HSF2: variants seen among roughly 807,000 people sequenced by gnomAD.
HSF2 encodes the protein heat shock factor protein 2.
In HSF2, 21 loss-of-function variants were observed where a neutral mutation model predicts 65.0. The ratio of observed to expected loss-of-function variants is 0.32; its 90% CI spans 0.23 to 0.47. The LOEUF is 0.47. Among genes scored for constraint, HSF2 ranks in the 20% least tolerant of loss-of-function variants. The probability of loss-of-function intolerance (pLI) is 1.00; values close to 1 mark genes in which losing one functional copy is unlikely to be tolerated. For missense variants in HSF2, 499 were observed against 628.1 expected, an observed-to-expected ratio of 0.79 and a Z score of 2.20; for synonymous variants, 225 against 219.1, an observed-to-expected ratio of 1.03 and a Z score of -0.24.
chr6:122,416,948 A>G (rs567982785), intron 5 of HSF2, among the ~76,000 whole-genome samples: 3 of 152,280 alleles, frequency 2.0e-5, no homozygotes, highest in Admixed American at 6.5e-5. Flanking sequence ...TAAGGCAGCT[A>G]TTTTTTGCTC....
chr6:122,402,977 A>C lies in HSF2; in HGVS notation c.93+3147A>C, dbSNP rs1238609334. 2.6e-5 allele frequency among the ~76,000 whole-genome samples: 4 copies of C among 151,244 alleles called. No individual in the cohort carries two copies. In the East Asian group the frequency reaches 7.8e-4, roughly 29 times the overall value. ...ATCATTGAGAACTTTTAGAAGAAGC[A>C]GTTGTTTTGGGAACCAGACAAGCTT... On this transcript the variant is annotated intron_variant, in intron 1 of 12. Transcript: ENST00000368455.
At chr6:122,410,927 T>C (rs1435661622) in intron 1 of HSF2, among the ~76,000 whole-genome samples, 1 of 145,262 alleles carries the variant, frequency 6.9e-6, no homozygotes, top group East Asian at 2.1e-4. Flanking sequence ...TTTTGTTTTG[T>C]TTTTTTGTTG....
chr6:122,399,673 T>TAGCTGCCGCCGCCGCTACCACCGC lies in HSF2; in HGVS notation c.-64_-41dup. 4.3e-6 allele frequency: 6 copies of TAGCTGCCGCCGCCGCTACCACCGC among 1,393,672 alleles called. No individual in the cohort carries two copies. Among genetic ancestry groups the TAGCTGCCGCCGCCGCTACCACCGC allele is most frequent in the Non-Finnish European group, 6.0e-6 (6 of 992,168 alleles). The allele number at this position is 1,393,672 out of a possible 1,614,324, so 86.3% of individuals were successfully genotyped here. ...GGGCGTTCTCGGGGAGCTGCTGCCG[T>TAGCTGCCGCCGCCGCTACCACCGC]AGCTGCCGCCGCCGCTACCACCGCG... On this transcript the variant is annotated 5_prime_UTR_variant, in exon 1 of 13. Coordinates refer to ENST00000368455, the MANE Select transcript of HSF2 (RefSeq NM_004506.4).
intron 1 of HSF2, among the ~76,000 whole-genome samples, chr6:122,406,858 GGATGAGGAAGTGCAGTGCTAGA>G (rs1562197824): frequency 1.3e-5 from 2 of 151,984 alleles, no homozygotes; most frequent in Non-Finnish European, 2.9e-5. Flanking sequence ...ATTTCAAAAG[GGATGAGGAAGTGCAGTGCTAGA>G]AAAAAAAACA....
intron 4 of HSF2, 59 bp downstream of exon 4, chr6:122,413,708 G>GTTGAGT: frequency 7.1e-7 from 1 of 1,403,116 alleles, no homozygotes; most frequent in Non-Finnish European, 9.9e-7. Flanking sequence ...GTCTATGTGT[G>GTTGAGT]TTGAGTTTGG....
chr6:122,428,780 A>G (rs1466582931), intron 11 of HSF2, among the ~76,000 whole-genome samples: 1 of 152,064 alleles, frequency 6.6e-6, no homozygotes, highest in Non-Finnish European at 1.5e-5. Context: ...GGTGGAATTT[A>G]TACGATTATT....
chr6:122,428,249 ATTTCTTCATG>A (rs1044692977), intron 11 of HSF2, among the ~76,000 whole-genome samples: 1 of 151,844 alleles, frequency 6.6e-6, no homozygotes, highest in Non-Finnish European at 1.5e-5. Context: ...CTAAAATATG[ATTTCTTCATG>A]TTTTATGGGC....
intron 4 of HSF2, among the ~76,000 whole-genome samples, chr6:122,414,990 T>C (rs1450766268): frequency 6.6e-6 from 1 of 152,230 alleles, no homozygotes; most frequent in Non-Finnish European, 1.5e-5. Context: ...AGTTATTCAG[T>C]AAATATTAAA....
chr6:122,400,629 T>C (rs1773707134), intron 1 of HSF2, among the ~76,000 whole-genome samples: 1 of 152,234 alleles, frequency 6.6e-6, no homozygotes, highest in South Asian at 2.1e-4. Context: ...CTTTATCTTG[T>C]CTGGCCTAAG....
chr6:122,399,671 C>CGTAGCTGCCGCA lies in HSF2; in HGVS notation c.-56_-55insAGTAGCTGCCGC, dbSNP rs1773666520. The CGTAGCTGCCGCA allele has an allele frequency of 1.5e-6, 2 of 1,355,356 alleles. No individual in the cohort carries two copies. Among genetic ancestry groups the CGTAGCTGCCGCA allele is most frequent in the Non-Finnish European group, 1.0e-6 (1 of 957,966 alleles). 84.0% of individuals were successfully genotyped at this position (1,355,356 alleles called of 1,614,324 possible). A position where few individuals can be genotyped will look rare whatever the true frequency, so the allele number is the denominator to read the frequency against. On this transcript the variant is annotated 5_prime_UTR_variant, in exon 1 of 13. Transcript: ENST00000368455. ...GTGGGCGTTCTCGGGGAGCTGCTGCCGTAGCTGCCGCCGCCGCTACCACCG... is the reference window on the plus strand; with the variant it reads ...GTGGGCGTTCTCGGGGAGCTGCTGCCGTAGCTGCCGCAGTAGCTGCCGCCGCCGCTACCACCG...
chr6:122,410,948 G>GT (rs34451736), intron 1 of HSF2, among the ~76,000 whole-genome samples: 64,847 of 128,754 alleles, frequency 0.5, 16,387 homozygotes, highest in South Asian at 0.6. Context: ...TTGTTTTTGG[G>GT]TTTTTTTTTT....
intron 5 of HSF2, 70 bp from the exon 6 acceptor site, chr6:122,419,098 A>G: frequency 4.1e-6 from 3 of 732,162 alleles, no homozygotes; most frequent in Non-Finnish European, 7.0e-6. Context: ...AATTTGTTTT[A>G]TAAGACTTGG....
intron 7 of HSF2, 37 bp downstream of exon 7, chr6:122,420,259 T>G (rs377621281): frequency 1.0e-5 from 15 of 1,487,632 alleles, no homozygotes; most frequent in East Asian, 9.2e-5. Flanking sequence ...ATATTTATTG[T>G]CTCAGACTAA....
chr6:122,399,563 C>T (rs1408498195), upstream of HSF2: 32 of 567,330 alleles, frequency 5.6e-5, 1 homozygote, highest in Admixed American at 1.0e-3. Context: ...TTGTCCGTCA[C>T]GTGCGGCCGC....
Position 122,416,265 on chromosome 6 carries a change from A to G in HSF2, c.500A>G (p.Lys167Arg), listed in dbSNP as rs1774125020. 1 of 1,611,974 alleles carries G rather than the reference A, an allele frequency of 6.2e-7. No individual in the cohort carries two copies. The highest frequency in any genetic ancestry group is 8.5e-7 in the Non-Finnish European group (1 of 1,178,126). ...AAGGAGGTGTCAGAATTACGAGCAA[A>G]GCATGCACAACAGCAACAAGTTATT... Reference protein sequence around the residue: ...LWKEVSELRAKHAQQQQVIRK... With the variant: ...LWKEVSELRARHAQQQQVIRK... Residue 167 changes from lysine to arginine, a missense_variant, in exon 5 of 13, where the codon AAG becomes AGG. Transcript: ENST00000368455.
intron 4 of HSF2, among the ~76,000 whole-genome samples, chr6:122,416,003 C>T (rs1015643096): frequency 1.3e-5 from 2 of 151,930 alleles, no homozygotes; most frequent in Non-Finnish European, 2.9e-5. Context: ...GGCGACAGAG[C>T]AAAGCTACAC....
At chr6:122,422,319 A>C (rs778850462) in intron 8 of HSF2, 21 bp downstream of exon 8, 24 of 1,516,028 alleles carry the variant, frequency 1.6e-5, no homozygotes, top group Non-Finnish European at 2.1e-5. Context: ...TGTGAGATAA[A>C]ATGTATGAAA....
chr6:122,420,744 C>G (rs1197702368), intron 7 of HSF2, among the ~76,000 whole-genome samples: 1 of 83,402 alleles, frequency 1.2e-5, no homozygotes, highest in Non-Finnish European at 2.2e-5. Context: ...TGGGATTTCA[C>G]TCTGTCACCC....
chr6:122,409,246 G>A (rs545206553), intron 1 of HSF2, among the ~76,000 whole-genome samples: 1 of 152,086 alleles, frequency 6.6e-6, no homozygotes, highest in African/African-American at 2.4e-5. Context: ...TCAAAGCCCA[G>A]AGAGTCGAAC....
Sources: gnomAD v4.1 joint callset for allele counts (sites outside exome capture counted in the v4.1 genomes callset) on GRCh38, gnomAD v4.1.1 for gene constraint, MANE v1.5 for transcripts, NCBI Gene and HGNC (gene_info 2026-07-23, HGNC 2026-07-21) for gene names.